The following FAM149A variants were observed in gnomAD, a reference collection of about 807,000 sequenced individuals.
FAM149A encodes protein FAM149A.
In FAM149A, 71 loss-of-function variants were observed where a neutral mutation model predicts 78.2. That is an observed-to-expected ratio of 0.91 (90% CI 0.75 to 1.11). The LOEUF is 1.11. Ranked by LOEUF, FAM149A falls within the 50% of genes least tolerant of loss-of-function variation. The pLI is 0.00. For synonymous variants in FAM149A, 446 were observed against 410.5 expected (o/e 1.09, Z -1.04); for missense variants, 1,036 against 971.0 (o/e 1.07, Z -0.89).
In FAM149A at chr4:186,144,897, G is replaced by C. The variant is rs1275630998; in HGVS notation, c.567-4276G>C. The C allele has an allele frequency of 1.0e-6, 1 of 974,724 alleles. No homozygotes were observed. Among genetic ancestry groups the C allele is most frequent in the African/African-American group, 1.8e-5 (1 of 55,996 alleles). The allele number at this position is 974,724 out of a possible 1,614,324, so 60.4% of individuals were successfully genotyped here. A position where few individuals can be genotyped will look rare whatever the true frequency, so the allele number is the denominator to read the frequency against. ...AGCCCCGCGGACCCCGGGCGCGCCC[G>C]GGCCGCCTGAGCTGGGCCAGCCGCG... On this transcript the variant is annotated intron_variant, in intron 1 of 13. Transcript: ENST00000389354. The surrounding 1 kb of genome is among the most constrained non-coding windows in gnomAD (Gnocchi z 4.2).
chr4:186,130,338 G>T (rs2099320274), intron 1 of FAM149A, among the ~76,000 whole-genome samples: 1 of 112,214 alleles, frequency 8.9e-6, no homozygotes, highest in Non-Finnish European at 1.8e-5. Context: ...AGAACTAAAA[G>T]GAGAAATCCA....
chr4:186,126,988 G>A, intron 1 of FAM149A: 1 of 985,384 alleles, frequency 1.0e-6, no homozygotes, highest in Non-Finnish European at 1.2e-6. Flanking sequence ...AGACTGGAAT[G>A]GAATGGAATT....
At chr4:186,143,439 G>A (rs545516851) in intron 1 of FAM149A, among the ~76,000 whole-genome samples, 13 of 151,756 alleles carry the variant, frequency 8.6e-5, no homozygotes, top group Non-Finnish European at 1.8e-4. Flanking sequence ...ACATATACAT[G>A]TATCAGGATT....
intron 13 of FAM149A, among the ~76,000 whole-genome samples, chr4:186,168,220 C>T (rs1409923232): frequency 2.6e-5 from 4 of 152,192 alleles, no homozygotes; most frequent in Non-Finnish European, 4.4e-5. Flanking sequence ...TCTGCTCCTG[C>T]GCTAGTCGCT....
intron 8 of FAM149A, chr4:186,158,321 T>A (rs1734236974): frequency 4.1e-6 from 5 of 1,209,944 alleles, no homozygotes; most frequent in Non-Finnish European, 5.2e-6. Context: ...CCCATTGCTC[T>A]GTGGAACACA....
chr4:186,114,019 G>A (rs1430554008), intron 1 of FAM149A, among the ~76,000 whole-genome samples: 1 of 142,404 alleles, frequency 7.0e-6, no homozygotes, highest in East Asian at 2.1e-4. Context: ...TTATTATTGT[G>A]TGGGAGTCTA....
intron 13 of FAM149A, chr4:186,169,533 T>G: frequency 1.0e-6 from 1 of 985,464 alleles, no homozygotes; most frequent in Non-Finnish European, 1.2e-6. Flanking sequence ...CTGAGCACTC[T>G]GTCAACGTCA....
At chr4:186,136,904 A>C (rs79685691) in intron 1 of FAM149A, among the ~76,000 whole-genome samples, 2,513 of 150,528 alleles carry the variant, frequency 0.017, 73 homozygotes, top group African/African-American at 0.058. Context: ...CCCCCTTCGA[A>C]GAATGATTGT....
At chr4:186,106,653 T>C (rs2099308865) in intron 1 of FAM149A, among the ~76,000 whole-genome samples, 1 of 152,086 alleles carries the variant, frequency 6.6e-6, no homozygotes, top group South Asian at 2.1e-4. Context: ...TTCATGTCAA[T>C]ATGAAAACAA....
At position 186,143,403 on chromosome 4, in the gene FAM149A, C is replaced by CAT. The variant is rs111880882; in HGVS notation, c.567-5769_567-5768insTA. On this transcript the variant is annotated intron_variant, in intron 1 of 13. Transcript: ENST00000389354. Reference sequence around the variant, plus strand: ...ATAGTTTTCCTGATAGATATGTATACACATACACACACATCACACATATAC... The same window carrying CAT: ...ATAGTTTTCCTGATAGATATGTATACATACATACACACACATCACACATATAC... Among the ~76,000 whole-genome samples, 589 of 151,508 alleles carry CAT rather than the reference C, an allele frequency of 3.9e-3. 3 individuals are homozygous for CAT. The highest frequency in any genetic ancestry group is 0.013 in the African/African-American group (557 of 41,318).
At chr4:186,115,305 T>TG (rs1189851429) in intron 1 of FAM149A, among the ~76,000 whole-genome samples, 2 of 116,108 alleles carry the variant, frequency 1.7e-5, no homozygotes, top group African/African-American at 6.4e-5. Flanking sequence ...TCTAAATTTT[T>TG]TTCAAAGTTT....
chr4:186,143,847 G>A (rs1056568583), intron 1 of FAM149A, among the ~76,000 whole-genome samples: 1 of 152,104 alleles, frequency 6.6e-6, no homozygotes, highest in Admixed American at 6.5e-5. Context: ...TTTTGTTATT[G>A]GTAGTGATTT....
At chr4:186,146,367 T>C (rs766699848) in intron 1 of FAM149A, 50 of 598,588 alleles carry the variant, frequency 8.4e-5, no homozygotes, top group Non-Finnish European at 9.4e-5. Context: ...TTACCCAACT[T>C]CCCATTTCCC....
In FAM149A at chr4:186,153,679, A is replaced by G. The variant is rs4862650; in HGVS notation, c.967A>G (p.Lys323Glu). 0.88 allele frequency: 1,415,620 copies of G among 1,613,868 alleles called. 621,571 individuals are homozygous for G. Among genetic ancestry groups the G allele is most frequent in the African/African-American group, 0.9 (67,647 of 75,038 alleles). Residue 323 changes from lysine (K) to glutamate (E), a missense_variant, in exon 5 of 14, where the codon AAA becomes GAA. Coordinates refer to ENST00000389354, the MANE Select transcript of FAM149A (RefSeq NM_001367768.3). Reference sequence around the variant, plus strand: ...AAGACAGCTGATCCTGCCCACTGACAAAGGCGTCCAGCATTTCCAGGGCAG... The same window carrying G: ...AAGACAGCTGATCCTGCCCACTGACGAAGGCGTCCAGCATTTCCAGGGCAG...
chr4:186,130,434 G>T (rs1264554616), intron 1 of FAM149A, among the ~76,000 whole-genome samples: 1 of 151,492 alleles, frequency 6.6e-6, no homozygotes, highest in Non-Finnish European at 1.5e-5. Flanking sequence ...GAGTGCACGG[G>T]CATGATCTCA....
chr4:186,116,223 A>C (rs548972437), intron 1 of FAM149A: 1 of 143,052 alleles, frequency 7.0e-6, no homozygotes, highest in Non-Finnish European at 1.5e-5. Flanking sequence ...GCGCTTCCCA[A>C]GTGAGGCAAT....
In FAM149A at chr4:186,173,587, C is replaced by T. The variant is rs545049817; in HGVS notation, c.*1600C>T. Among the ~76,000 whole-genome samples, 9 of 111,052 alleles carry T rather than the reference C, an allele frequency of 8.1e-5. 1 individual carries two copies. In the East Asian group the frequency reaches 2.0e-3, roughly 25 times the overall value. 72.9% of individuals were successfully genotyped at this position (111,052 alleles called of 152,430 possible). A position where few individuals can be genotyped will look rare whatever the true frequency, so the allele number is the denominator to read the frequency against. On this transcript the variant is annotated 3_prime_UTR_variant, in exon 14 of 14. Coordinates refer to ENST00000389354, the MANE Select transcript of FAM149A (RefSeq NM_001367768.3). ...AGCCAGGCCGGTGTTGAACTCCTGA[C>T]CTCAGGTGATCTGCCCACCTCGGCC...
chr4:186,156,145 CT>C lies in FAM149A; in HGVS notation c.1379del (p.Leu460TrpfsTer4). 1 of 1,613,576 alleles carries C rather than the reference CT, an allele frequency of 6.2e-7. No homozygotes were observed. The highest frequency in any genetic ancestry group is 8.5e-7 in the Non-Finnish European group (1 of 1,179,814). On this transcript the variant is annotated frameshift_variant, in exon 7 of 14. Transcript: ENST00000389354. LOFTEE classifies it high-confidence loss of function. Reference sequence around the variant, plus strand: ...TCACGTCTGGACAAATATGGTAGAACTTTTGGAAGAGCTGATTAGAAAACAC... The same window carrying C: ...TCACGTCTGGACAAATATGGTAGAACTTTGGAAGAGCTGATTAGAAAACAC...
intron 13 of FAM149A, chr4:186,169,644 G>C (rs1284930677): frequency 2.0e-6 from 2 of 985,446 alleles, no homozygotes; most frequent in East Asian, 1.1e-4. Context: ...AAAAACCAGA[G>C]TGGATTCATG....
Sources: allele counts gnomAD v4.1 joint callset (sites outside exome capture counted in the v4.1 genomes callset), GRCh38; gene constraint gnomAD v4.1.1; non-coding constraint Gnocchi (gnomAD v3.1); transcripts MANE v1.5; gene names NCBI Gene and HGNC (gene_info 2026-07-23, HGNC 2026-07-21).